PNPLA8: variants seen among roughly 807,000 people sequenced by gnomAD.
PNPLA8 encodes the protein calcium-independent phospholipase A2-gamma.
In PNPLA8, 39 loss-of-function variants were observed where a neutral mutation model predicts 76.9. The observed-to-expected ratio is 0.51, with a 90% CI of 0.39 to 0.66. The LOEUF (loss-of-function observed/expected upper bound fraction) is 0.66. Ranked by LOEUF, PNPLA8 falls within the 30% of genes least tolerant of loss-of-function variation. The pLI is 0.00. For missense variants in PNPLA8, 887 were observed against 918.0 expected, an observed-to-expected ratio of 0.97 and a Z score of 0.44; for synonymous variants, 301 against 307.9, an observed-to-expected ratio of 0.98 and a Z score of 0.24.
chr7:108,493,308 A>T (rs1563950920), intron 7 of PNPLA8, among the ~76,000 whole-genome samples: 1 of 152,216 alleles, frequency 6.6e-6, no homozygotes, highest in Non-Finnish European at 1.5e-5. Context: ...AACAAAAGGA[A>T]AAATTTCATA....
chr7:108,472,718 G>A (rs1269350757), intron 10 of PNPLA8, 43 bp from the exon 11 acceptor site: 2 of 1,399,540 alleles, frequency 1.4e-6, no homozygotes, highest in East Asian at 2.4e-5. Flanking sequence ...TAAGAAAAGA[G>A]GGGATAAAGT....
At chr7:108,485,452 A>G (rs1860680244) in intron 9 of PNPLA8, among the ~76,000 whole-genome samples, 1 of 152,156 alleles carries the variant, frequency 6.6e-6, no homozygotes, top group Admixed American at 6.5e-5. Context: ...CTCAAATAGA[A>G]TATTAATTAA....
intron 5 of PNPLA8, among the ~76,000 whole-genome samples, chr7:108,500,040 C>T (rs1250295777): frequency 6.6e-6 from 1 of 152,166 alleles, no homozygotes; most frequent in African/African-American, 2.4e-5. Flanking sequence ...CCCAGAATAA[C>T]ATATTTTTGT....
rs1240776070 is a variant in PNPLA8 at position 108,471,179 on chromosome 7, AG to A, written c.*1221del. ...CTTCCATGAAATCCAGACAGTTCAA[AG>A]GAGTTAATAAGGTAAAACAAGCCTA... is the stretch of plus-strand genomic sequence containing the variant. On this transcript the variant is annotated 3_prime_UTR_variant, in exon 11 of 11. Transcript: ENST00000257694. 1 of 151,984 alleles carries A rather than the reference AG, an allele frequency of 6.6e-6. No homozygotes were observed. Among genetic ancestry groups the A allele is most frequent in the African/African-American group, 2.4e-5 (1 of 41,350 alleles). The allele number at this position is 151,984 out of a possible 1,614,324, so 9.4% of individuals were successfully genotyped here. A position where few individuals can be genotyped will look rare whatever the true frequency, so the allele number is the denominator to read the frequency against.
chr7:108,500,863 G>A (rs1025559496), intron 5 of PNPLA8, among the ~76,000 whole-genome samples: 1 of 151,800 alleles, frequency 6.6e-6, no homozygotes, highest in African/African-American at 2.4e-5. Context: ...GCAGTGAGCC[G>A]AGATCACGTC....
chr7:108,477,915 T>C (rs778270853), intron 10 of PNPLA8, among the ~76,000 whole-genome samples: 10 of 152,118 alleles, frequency 6.6e-5, no homozygotes, highest in Admixed American at 1.3e-4. Context: ...AAATTCAACA[T>C]ACACTCACTG....
intron 10 of PNPLA8, among the ~76,000 whole-genome samples, chr7:108,476,688 A>G (rs1360080558): frequency 1.3e-5 from 2 of 152,192 alleles, no homozygotes; most frequent in African/African-American, 4.8e-5. Flanking sequence ...CTGCTCACCC[A>G]TGTTCACTGC....
chr7:108,483,108 C>T (rs1374849606), intron 9 of PNPLA8, among the ~76,000 whole-genome samples: 1 of 152,192 alleles, frequency 6.6e-6, no homozygotes, highest in East Asian at 1.9e-4. Flanking sequence ...TTCTCAAAAA[C>T]TTGTATCCCA....
chr7:108,484,178 A>G (rs1370203732), intron 9 of PNPLA8, among the ~76,000 whole-genome samples: 1 of 152,146 alleles, frequency 6.6e-6, no homozygotes, highest in Non-Finnish European at 1.5e-5. Context: ...CCATTTTTCA[A>G]AGCAAATTTC....
At chr7:108,484,932 G>T (rs553809715) in intron 9 of PNPLA8, among the ~76,000 whole-genome samples, 1 of 152,248 alleles carries the variant, frequency 6.6e-6, no homozygotes, top group South Asian at 2.1e-4. Context: ...ATTAATTGTG[G>T]TTTGGTATAG....
intron 5 of PNPLA8, among the ~76,000 whole-genome samples, chr7:108,498,001 GA>G (rs201923487): frequency 1.9e-3 from 150 of 77,572 alleles, no homozygotes; most frequent in Non-Finnish European, 2.8e-3. Flanking sequence ...CATTTCTACA[GA>G]AAAAAAAAAA....
chr7:108,492,649 T>C (rs1465970714), intron 7 of PNPLA8, among the ~76,000 whole-genome samples: 4 of 152,062 alleles, frequency 2.6e-5, no homozygotes, highest in Non-Finnish European at 2.9e-5. Context: ...ATTCTACTGA[T>C]GGCATAAAAT....
intron 9 of PNPLA8, among the ~76,000 whole-genome samples, chr7:108,484,546 AT>A (rs1860611408): frequency 6.6e-6 from 1 of 151,958 alleles, no homozygotes; most frequent in Non-Finnish European, 1.5e-5. Context: ...ATTTCCAAAC[AT>A]TTTTATCACC....
chr7:108,514,144 C>T lies in PNPLA8; in HGVS notation c.1206G>A (p.Lys402=). The change falls in exon 4 of 11, where the codon AAG becomes AAA. Residue 402 remains lysine (K), a splice_region_variant and synonymous_variant. Coordinates refer to ENST00000257694, the MANE Select transcript of PNPLA8 (RefSeq NM_001256007.3). ...CTAGATTAAATAAATTAGAAATTAC[C>T]TTGACAGCCACTCCTTTTCCTTCAG... is the stretch of plus-strand genomic sequence containing the variant. The part of the protein sequence containing the change: ...EFPEGKGVAV[K]ERIIPYLLRL... 6.3e-7 allele frequency: 1 copy of T among 1,587,274 alleles called. No homozygotes were observed. Among genetic ancestry groups the T allele is most frequent in the Non-Finnish European group, 8.6e-7 (1 of 1,164,468 alleles).
At chr7:108,473,891 G>A (rs1457858819) in intron 10 of PNPLA8, among the ~76,000 whole-genome samples, 1 of 152,082 alleles carries the variant, frequency 6.6e-6, no homozygotes. Flanking sequence ...TTTCTGTAGA[G>A]ATGGGATCTC....
chr7:108,486,648 A>G (rs1860756637), intron 9 of PNPLA8, among the ~76,000 whole-genome samples: 1 of 152,174 alleles, frequency 6.6e-6, no homozygotes, highest in Non-Finnish European at 1.5e-5. Flanking sequence ...GAAAATAGGA[A>G]TAGCTGGCCA....
At chr7:108,526,968 C>T (rs528980027), upstream of PNPLA8, among the ~76,000 whole-genome samples, 1 of 152,196 alleles carries the variant, frequency 6.6e-6, no homozygotes, top group Non-Finnish European at 1.5e-5. Flanking sequence ...TAGAACATAG[C>T]TTTGCATTCC....
At chr7:108,490,982 A>G (rs1308721385) in intron 8 of PNPLA8, among the ~76,000 whole-genome samples, 1 of 152,218 alleles carries the variant, frequency 6.6e-6, no homozygotes, top group Non-Finnish European at 1.5e-5. Flanking sequence ...ATATATAAAG[A>G]ATTAATACAA....
intron 4 of PNPLA8, among the ~76,000 whole-genome samples, chr7:108,509,737 T>C (rs1342525484): frequency 2.7e-5 from 4 of 150,672 alleles, no homozygotes; most frequent in Non-Finnish European, 4.4e-5. Context: ...CGTATGTTTA[T>C]TGCGGCATTA....
Sources: gnomAD v4.1 joint callset for allele counts (sites outside exome capture counted in the v4.1 genomes callset) on GRCh38, gnomAD v4.1.1 for gene constraint, MANE v1.5 for transcripts, NCBI Gene and HGNC (gene_info 2026-07-23, HGNC 2026-07-21) for gene names.